Variants in PDZD2 observed in about 807,000 individuals in gnomAD.
PDZD2 encodes the protein PDZ domain-containing protein 2.
A neutral mutation model predicts 220.7 loss-of-function variants in PDZD2; 90 were observed. That is an observed-to-expected ratio of 0.41 (90% CI 0.34 to 0.49). The LOEUF (loss-of-function observed/expected upper bound fraction) is 0.49. Among genes scored for constraint, PDZD2 ranks in the 20% least tolerant of loss-of-function variants. The pLI, the probability that PDZD2 is intolerant of heterozygous loss-of-function variation, is 0.28. For missense variants in PDZD2, 3,174 were observed against 3,608.5 expected, an observed-to-expected ratio of 0.88 and a Z score of 3.08; for synonymous variants, 1,375 against 1,450.5, an observed-to-expected ratio of 0.95 and a Z score of 1.18.
At position 32,101,253 on chromosome 5, in the gene PDZD2, C is replaced by A. The variant is rs1192443513; in HGVS notation, c.8353+14C>A. On this transcript the variant is annotated intron_variant, in intron 24 of 24. Coordinates refer to ENST00000438447, the MANE Select transcript of PDZD2 (RefSeq NM_178140.4). The stretch of plus-strand genomic sequence containing the variant: ...GAGTGTACAAAGGTAATGTTCTAGA[C>A]AACTCAGTCAGCCTTCTCTCACCTG... 1 of 1,574,506 alleles carries A rather than the reference C, an allele frequency of 6.4e-7. No individual in the cohort carries two copies. The highest frequency in any genetic ancestry group is 1.2e-5 in the South Asian group (1 of 85,670).
intron 1 of PDZD2, among the ~76,000 whole-genome samples, chr5:31,742,768 G>T (rs1750347241): frequency 6.6e-6 from 1 of 152,132 alleles, no homozygotes; most frequent in Non-Finnish European, 1.5e-5. Context: ...CTGTAGCAAG[G>T]ACTAGGAAAA....
chr5:31,742,182 A>G (rs1174257858), intron 1 of PDZD2: 3 of 152,226 alleles, frequency 2.0e-5, no homozygotes, highest in Non-Finnish European at 2.9e-5. Flanking sequence ...GCCACACATA[A>G]GAAGTCATCC....
intron 2 of PDZD2, among the ~76,000 whole-genome samples, chr5:31,881,324 ATATGTGTGTG>A (rs1209279125): frequency 2.5e-5 from 3 of 118,556 alleles, no homozygotes; most frequent in African/African-American, 7.2e-5. Context: ...ATTTCCATAT[ATATGTGTGTG>A]TGTGTGTGTG....
At chr5:31,701,485 G>A (rs76868588) in intron 1 of PDZD2, among the ~76,000 whole-genome samples, 8 of 152,234 alleles carry the variant, frequency 5.3e-5, no homozygotes, top group African/African-American at 1.4e-4. Flanking sequence ...GAGCCACTGC[G>A]CCTGGCTGAG....
chr5:31,722,518 G>A (rs1748867077), intron 1 of PDZD2, among the ~76,000 whole-genome samples: 3 of 152,024 alleles, frequency 2.0e-5, no homozygotes, highest in Admixed American at 1.3e-4. Flanking sequence ...GCTGGGTCTT[G>A]TTTTGATCCA....
chr5:31,858,328 A>G (rs1758640125), intron 2 of PDZD2, among the ~76,000 whole-genome samples: 1 of 152,188 alleles, frequency 6.6e-6, no homozygotes, highest in African/African-American at 2.4e-5. Flanking sequence ...GTTAATTGGA[A>G]GGAGACCCGC....
rs139618530 is a variant in PDZD2 at position 31,919,707 on chromosome 5, GA to G, written c.477-63438del. Among the ~76,000 whole-genome samples, 30 of 129,588 alleles carry G rather than the reference GA, an allele frequency of 2.3e-4. 1 individual carries two copies. Among genetic ancestry groups the G allele is most frequent in the African/African-American group, 8.2e-4 (28 of 33,968 alleles). The allele number at this position is 129,588 out of a possible 152,430, so 85.0% of individuals were successfully genotyped here. ...TTAAGTTCAAAGCAAAATTGATAAAGAAAAAAAAAAGGAAAAAAAAAAAGGC... is the reference window on the plus strand; with the variant it reads ...TTAAGTTCAAAGCAAAATTGATAAAGAAAAAAAAAGGAAAAAAAAAAAGGC... On this transcript the variant is annotated intron_variant, in intron 2 of 24. Transcript: ENST00000438447.
chr5:31,657,623 C>G (rs1294350350), intron 1 of PDZD2, among the ~76,000 whole-genome samples: 3 of 152,158 alleles, frequency 2.0e-5, no homozygotes, highest in African/African-American at 7.2e-5. Context: ...AAAAAAACCA[C>G]CTGCATTTTT....
chr5:31,703,803 T>G (rs2150135046), intron 1 of PDZD2, among the ~76,000 whole-genome samples: 1 of 152,314 alleles, frequency 6.6e-6, no homozygotes, highest in Middle Eastern at 3.4e-3. Context: ...GACTTCAGCT[T>G]TCAACACAGT....
At chr5:31,672,213 G>A (rs1434624678) in intron 1 of PDZD2, among the ~76,000 whole-genome samples, 1 of 152,172 alleles carries the variant, frequency 6.6e-6, no homozygotes, top group Non-Finnish European at 1.5e-5. Context: ...ATGTATGTAG[G>A]AATCACCTGG....
intron 2 of PDZD2, among the ~76,000 whole-genome samples, chr5:31,924,898 C>T (rs1490084027): frequency 6.6e-6 from 1 of 152,172 alleles, no homozygotes; most frequent in African/African-American, 2.4e-5. Context: ...ACACTTGGAG[C>T]CTGTGCCTGA....
chr5:31,670,112 C>G (rs1055235794), intron 1 of PDZD2, among the ~76,000 whole-genome samples: 6 of 152,172 alleles, frequency 3.9e-5, no homozygotes, highest in Admixed American at 1.3e-4. Flanking sequence ...AAGCTCACCC[C>G]TTTTCCTCCC....
Position 32,098,750 on chromosome 5 carries a change from G to A in PDZD2, c.8218+116G>A. 1.0e-6 allele frequency: 1 copy of A among 962,784 alleles called. No homozygotes were observed. 59.6% of individuals were successfully genotyped at this position (962,784 alleles called of 1,614,324 possible). A position where few individuals can be genotyped will look rare whatever the true frequency, so the allele number is the denominator to read the frequency against. ...AACTTCTAGATCTGAAAAATTAAAT[G>A]TAGCGAAGTCTAGTGTGTTTGGATG... is the stretch of plus-strand genomic sequence containing the variant. On this transcript the variant is annotated intron_variant, in intron 23 of 24. Coordinates refer to ENST00000438447, the MANE Select transcript of PDZD2 (RefSeq NM_178140.4). This position sits in a 1 kb window ranked among gnomAD's most constrained non-coding sequence, Gnocchi z 4.1.
intron 2 of PDZD2, among the ~76,000 whole-genome samples, chr5:31,825,809 G>T (rs994720252): frequency 6.6e-6 from 1 of 152,168 alleles, no homozygotes; most frequent in African/African-American, 2.4e-5. Context: ...CCACGGTGCT[G>T]CTTGCTTTAC....
chr5:31,923,575 C>G (rs1744480650), intron 2 of PDZD2: 4 of 831,586 alleles, frequency 4.8e-6, no homozygotes, highest in Admixed American at 1.7e-5. Context: ...AATCAGTGGA[C>G]AGCATGAAAG....
At chr5:31,720,107 G>A (rs1044104665) in intron 1 of PDZD2, among the ~76,000 whole-genome samples, 1 of 152,160 alleles carries the variant, frequency 6.6e-6, no homozygotes. Flanking sequence ...CCTGAAGTTG[G>A]GTGTCTGTAA....
chr5:32,073,607 C>G (rs375201339), intron 17 of PDZD2, among the ~76,000 whole-genome samples: 9 of 139,784 alleles, frequency 6.4e-5, no homozygotes, highest in South Asian at 2.6e-4. Flanking sequence ...AAGAAAAGGG[C>G]GGGGGGGGTA....
intron 2 of PDZD2, among the ~76,000 whole-genome samples, chr5:31,892,927 A>G (rs187883381): frequency 3.9e-5 from 6 of 152,266 alleles, no homozygotes; most frequent in Non-Finnish European, 8.8e-5. Context: ...GTGTAGACAC[A>G]CGCAGTGCTA....
At chr5:32,004,349 G>A (rs1752642810) in intron 5 of PDZD2, among the ~76,000 whole-genome samples, 1 of 152,204 alleles carries the variant, frequency 6.6e-6, no homozygotes, top group Admixed American at 6.5e-5. Flanking sequence ...CAATTTGGGA[G>A]GCTAAGGAGG....
Sources: allele counts gnomAD v4.1 joint callset (sites outside exome capture counted in the v4.1 genomes callset), GRCh38; gene constraint gnomAD v4.1.1; non-coding constraint Gnocchi (gnomAD v3.1); transcripts MANE v1.5; gene names NCBI Gene and HGNC (gene_info 2026-07-23, HGNC 2026-07-21).